RACGAP1: variants seen among roughly 807,000 people sequenced by gnomAD.
The protein encoded by RACGAP1 is Rac GTPase activating protein 1.
Under a neutral mutation model 78.1 loss-of-function variants are expected in RACGAP1, and 30 were observed. The ratio of observed to expected loss-of-function variants is 0.38; its 90% CI spans 0.29 to 0.52. The LOEUF is 0.52. Ranked by LOEUF, RACGAP1 falls within the 20% of genes least tolerant of loss-of-function variation. The pLI is 0.82. For missense variants in RACGAP1, 587 were observed against 777.1 expected (o/e 0.76, Z 2.91); for synonymous variants, 231 against 264.8 (o/e 0.87, Z 1.24).
At chr12:50,010,934 T>C (rs1022082367) in intron 2 of RACGAP1, among the ~76,000 whole-genome samples, 2 of 12,216 alleles carry the variant, frequency 1.6e-4, no homozygotes, top group African/African-American at 3.9e-4. Context: ...AAATTCTGTC[T>C]CAAAAAAAAA....
chr12:50,019,398 T>C (rs546341428), intron 1 of RACGAP1, among the ~76,000 whole-genome samples: 1 of 152,174 alleles, frequency 6.6e-6, no homozygotes, highest in Non-Finnish European at 1.5e-5. Flanking sequence ...CACAAGCATG[T>C]AGCATTTAAT....
At chr12:49,991,069 C>G (rs1307542309) in intron 15 of RACGAP1, among the ~76,000 whole-genome samples, 1 of 152,138 alleles carries the variant, frequency 6.6e-6, no homozygotes, top group African/African-American at 2.4e-5. Flanking sequence ...CTAGAAGAAG[C>G]AATATGCTCC....
intron 9 of RACGAP1, among the ~76,000 whole-genome samples, chr12:49,997,902 A>G (rs1384231219): frequency 6.6e-6 from 1 of 152,184 alleles, no homozygotes; most frequent in Non-Finnish European, 1.5e-5. Flanking sequence ...TTTATTGAGC[A>G]CTTAGTATGT....
chr12:49,991,923 A>G, intron 15 of RACGAP1, 75 bp downstream of exon 15: 1 of 1,570,612 alleles, frequency 6.4e-7, no homozygotes, highest in Non-Finnish European at 8.5e-7. Context: ...CAGCTCTAGC[A>G]AAGGCAGGAA....
At chr12:50,033,438 A>G (rs928918628), upstream of RACGAP1, among the ~76,000 whole-genome samples, 1 of 152,014 alleles carries the variant, frequency 6.6e-6, no homozygotes, top group Non-Finnish European at 1.5e-5. Flanking sequence ...TAGGACCCCA[A>G]CAGGGAGGAG....
At chr12:50,019,228 C>A (rs1337799657) in intron 1 of RACGAP1, among the ~76,000 whole-genome samples, 13 of 152,254 alleles carry the variant, frequency 8.5e-5, no homozygotes, top group South Asian at 8.3e-4. Flanking sequence ...CAATTGCACT[C>A]CCTTCCTCCA....
At chr12:50,010,480 C>T (rs372590946) in intron 2 of RACGAP1, among the ~76,000 whole-genome samples, 7 of 152,024 alleles carry the variant, frequency 4.6e-5, no homozygotes, top group Middle Eastern at 3.4e-3. Flanking sequence ...AATGCTACCA[C>T]GCCCGGCTAA....
chr12:49,996,619 C>A lies in RACGAP1; in HGVS notation c.1044+421G>T, dbSNP rs180800639. Among the ~76,000 whole-genome samples the A allele has an allele frequency of 7.9e-4, 29 of 36,882 alleles. No individual in the cohort carries two copies. In the East Asian group the frequency reaches 0.029, roughly 37 times the overall value. The allele number at this position is 36,882 out of a possible 152,430, so 24.2% of individuals were successfully genotyped here. ...TCCTGCCAGTGCACTCCAGCCTAGG[C>A]AATAGAGCTAAAAAAAAAAAAAAAA... On this transcript the variant is annotated intron_variant, in intron 10 of 16. Coordinates refer to ENST00000312377, the MANE Select transcript of RACGAP1 (RefSeq NM_001319999.2).
At chr12:49,997,907 G>C (rs1045108922) in intron 9 of RACGAP1, among the ~76,000 whole-genome samples, 5 of 152,152 alleles carry the variant, frequency 3.3e-5, no homozygotes, top group Non-Finnish European at 7.3e-5. Flanking sequence ...TGAGCACTTA[G>C]TATGTGCCAA....
chr12:50,030,091 C>A (rs751168094), upstream of RACGAP1, among the ~76,000 whole-genome samples: 1 of 151,716 alleles, frequency 6.6e-6, no homozygotes, highest in Non-Finnish European at 1.5e-5. Context: ...GGGAATATAT[C>A]GAGACCTCCT....
At chr12:50,001,948 C>T (rs1555173026) in intron 6 of RACGAP1, among the ~76,000 whole-genome samples, 1 of 151,978 alleles carries the variant, frequency 6.6e-6, no homozygotes, top group Non-Finnish European at 1.5e-5. Flanking sequence ...CACCTGTATC[C>T]CAGCTGCTTG....
intron 9 of RACGAP1, 76 bp downstream of exon 9, chr12:49,999,060 CTAAAG>C: frequency 7.0e-7 from 1 of 1,428,364 alleles, no homozygotes; most frequent in Non-Finnish European, 9.3e-7. Context: ...CTTTATAACA[CTAAAG>C]TATTTAACTT....
chr12:50,029,846 T>C (rs752852348), upstream of RACGAP1, among the ~76,000 whole-genome samples: 40 of 152,226 alleles, frequency 2.6e-4, no homozygotes, highest in Non-Finnish European at 4.1e-4. Flanking sequence ...TGAGCTGAGA[T>C]TGCGCCACTG....
intron 2 of RACGAP1, among the ~76,000 whole-genome samples, chr12:50,008,541 G>A (rs1264110146): frequency 6.6e-6 from 1 of 151,422 alleles, no homozygotes; most frequent in Non-Finnish European, 1.5e-5. Context: ...CACCCAGACT[G>A]GAGTGCAGTA....
intron 12 of RACGAP1, among the ~76,000 whole-genome samples, chr12:49,993,744 C>T (rs1394805615): frequency 2.0e-5 from 1 of 49,730 alleles, no homozygotes; most frequent in Non-Finnish European, 6.4e-5. Context: ...AAGACTCCGT[C>T]TTAAAAAAAA....
chr12:49,990,515 G>T (rs1159038637), intron 16 of RACGAP1, among the ~76,000 whole-genome samples, 169 bp downstream of exon 16: 1 of 152,172 alleles, frequency 6.6e-6, no homozygotes, highest in African/African-American at 2.4e-5. Context: ...AAATAGTAAA[G>T]ACTTTCAGAA....
At chr12:50,023,333 A>G (rs555114539) in intron 1 of RACGAP1, among the ~76,000 whole-genome samples, 20 of 152,362 alleles carry the variant, frequency 1.3e-4, no homozygotes, top group Middle Eastern at 6.8e-3. Flanking sequence ...TACCAGACTC[A>G]CCAGTTATCT....
At position 49,996,668 on chromosome 12, in the gene RACGAP1, A is replaced by AAAAAAAT. The variant is rs1948302735; in HGVS notation, c.1044+371_1044+372insATTTTTT. On this transcript the variant is annotated intron_variant, in intron 10 of 16. Transcript: ENST00000312377. Reference sequence around the variant, plus strand: ...AAAAAAAAAAAAAAAAAAAAAAAAAATGGACACAAGTTAGTAATCATGGAA... The same window carrying AAAAAAAT: ...AAAAAAAAAAAAAAAAAAAAAAAAAAAAAAAATTGGACACAAGTTAGTAATCATGGAA... 4.3e-4 allele frequency among the ~76,000 whole-genome samples: 55 copies of AAAAAAAT among 129,330 alleles called. 7 individuals carry two copies. Among genetic ancestry groups the AAAAAAAT allele is most frequent in the African/African-American group, 2.1e-3 (55 of 26,422 alleles). 84.8% of individuals were successfully genotyped at this position (129,330 alleles called of 152,430 possible). A position where few individuals can be genotyped will look rare whatever the true frequency, so the allele number is the denominator to read the frequency against.
intron 2 of RACGAP1, among the ~76,000 whole-genome samples, chr12:50,008,410 G>T (rs893094867): frequency 1.3e-5 from 2 of 151,882 alleles, no homozygotes; most frequent in African/African-American, 4.8e-5. Flanking sequence ...TGTTGGCCAG[G>T]CTGGTCTCAA....
Sources: allele counts gnomAD v4.1 joint callset (sites outside exome capture counted in the v4.1 genomes callset), GRCh38; gene constraint gnomAD v4.1.1; transcripts MANE v1.5; gene names NCBI Gene and HGNC (gene_info 2026-07-23, HGNC 2026-07-21).